The following DHX57 variants were observed in gnomAD, a reference collection of about 807,000 sequenced individuals.
DHX57 encodes putative ATP-dependent RNA helicase DHX57.
DHX57 carries 105 observed loss-of-function variants against 156.2 expected under a neutral mutation model. That is an observed-to-expected ratio of 0.67 (90% CI 0.57 to 0.79). DHX57 has a LOEUF of 0.79. Ranked by LOEUF, DHX57 falls within the 30% of genes least tolerant of loss-of-function variation. The pLI, the probability that DHX57 is intolerant of heterozygous loss-of-function variation, is 0.00. For synonymous variants in DHX57, 704 were observed against 595.6 expected (o/e 1.18, Z -2.65); for missense variants, 1,847 against 1,661.9 (o/e 1.11, Z -1.94).
At position 38,799,622 on chromosome 2, in the gene DHX57, T is replaced by G. The variant is rs1286050666; in HGVS notation, c.4018-1180A>C. On this transcript the variant is annotated intron_variant, in intron 23 of 23. Coordinates refer to ENST00000457308, the MANE Select transcript of DHX57 (RefSeq NM_198963.3). ...AAAATTAGCCAGGCATGGTGGCACA[T>G]GCCTGTAATCCCAGCTACTCGGGAG... 1.9e-4 allele frequency among the ~76,000 whole-genome samples: 28 copies of G among 150,128 alleles called. No homozygotes were observed. The East Asian group carries it at 5.5e-3, about 29-fold the overall frequency.
At position 38,828,377 on chromosome 2, in the gene DHX57, G is replaced by T; in HGVS notation, c.2602C>A (p.Gln868Lys). ...CTGTTGTTGAAAAGAGAATTAGACT[G>T]TAGCTGTTCATAAAGCATTTTGATT... The part of the protein sequence containing the change: ...AEIKMLYEQL[Q>K]SNSLFNNRRS... The change falls in exon 14 of 24, where the codon CAG becomes AAG. Residue 868 changes from glutamine to lysine, a missense_variant. By Grantham distance (53) the Gln-to-Lys change is moderately conservative (BLOSUM62 1). Transcript: ENST00000457308. The T allele has an allele frequency of 6.2e-7, 1 of 1,613,528 alleles. No homozygotes were observed. Among genetic ancestry groups the T allele is most frequent in the Non-Finnish European group, 8.5e-7 (1 of 1,179,764 alleles).
At chr2:38,820,070 G>C (rs1670734689) in intron 17 of DHX57, among the ~76,000 whole-genome samples, 1 of 152,140 alleles carries the variant, frequency 6.6e-6, no homozygotes. Context: ...CAATGCCCTA[G>C]TTGCAACACC....
At chr2:38,835,051 T>G (rs1157724670) in intron 13 of DHX57, among the ~76,000 whole-genome samples, 5 of 152,056 alleles carry the variant, frequency 3.3e-5, no homozygotes, top group Non-Finnish European at 5.9e-5. Context: ...TAGAAAGAGG[T>G]TTGGCTTTTA....
At chr2:38,816,716 G>C (rs1048921631) in intron 19 of DHX57, among the ~76,000 whole-genome samples, 1 of 152,182 alleles carries the variant, frequency 6.6e-6, no homozygotes, top group African/African-American at 2.4e-5. Context: ...TTCTTGGAAT[G>C]TCTCAAGTAT....
chr2:38,863,530 C>G lies in DHX57; in HGVS notation c.225-11G>C, dbSNP rs770902562. 3.1e-6 allele frequency: 5 copies of G among 1,605,024 alleles called. No individual in the cohort carries two copies. The highest frequency in any genetic ancestry group is 4.2e-6 in the Non-Finnish European group (5 of 1,177,512). ...TTACTGTTGCTAGGTCTATAGAGAA[C>G]AAAAGAGCAAAATTACACACATATC... On this transcript the variant is annotated splice_polypyrimidine_tract_variant and intron_variant, in intron 2 of 23. Coordinates refer to ENST00000457308, the MANE Select transcript of DHX57 (RefSeq NM_198963.3).
chr2:38,813,351 C>T (rs1290955161), intron 21 of DHX57, among the ~76,000 whole-genome samples: 1 of 151,464 alleles, frequency 6.6e-6, no homozygotes, highest in Non-Finnish European at 1.5e-5. Flanking sequence ...ATTTTGGGAA[C>T]TGAAGGATTG....
chr2:38,863,278 C>T (rs1279767656), intron 3 of DHX57, 83 bp downstream of exon 3: 3 of 1,410,810 alleles, frequency 2.1e-6, no homozygotes, highest in African/African-American at 1.4e-5. Flanking sequence ...AGTACTGACA[C>T]AGCATTCCAA....
chr2:38,868,096 T>TC (rs1665169861), intron 2 of DHX57, 86 bp downstream of exon 2: 3 of 1,520,850 alleles, frequency 2.0e-6, no homozygotes, highest in Non-Finnish European at 2.7e-6. Flanking sequence ...TTACTCGACT[T>TC]TTTTTCCATT....
rs372022899 is a variant in DHX57 at position 38,856,377 on chromosome 2, G to A, written c.1672C>T (p.Arg558Cys). Residue 558 changes from arginine (R) to cysteine (C), a missense_variant, in exon 7 of 24, where the codon CGT becomes TGT. Physicochemically the swap from Arg to Cys is radical, Grantham distance 180. Coordinates refer to ENST00000457308, the MANE Select transcript of DHX57 (RefSeq NM_198963.3). The stretch of plus-strand genomic sequence containing the variant: ...CTTATGACAACCACCTGGTGCTTAC[G>A]CAATAAGTTAAGAATGGTTTCTCTT... ...EERETILNLL[R>C]KHQVVVISGM... 29 of 1,613,608 alleles carry A rather than the reference G, an allele frequency of 1.8e-5. No homozygotes were observed. Among genetic ancestry groups the A allele is most frequent in the South Asian group, 5.5e-5 (5 of 91,000 alleles).
intron 11 of DHX57, among the ~76,000 whole-genome samples, chr2:38,846,101 G>C (rs1401160909): frequency 6.6e-6 from 1 of 152,052 alleles, no homozygotes; most frequent in Non-Finnish European, 1.5e-5. Flanking sequence ...CCCGCCCTCA[G>C]GTGATCTGCT....
rs888878436 is a variant in DHX57 at position 38,836,568 on chromosome 2, G to C, written c.2542+1263C>G. 3.9e-5 allele frequency among the ~76,000 whole-genome samples: 6 copies of C among 152,238 alleles called. No individual in the cohort carries two copies. In the South Asian group the frequency reaches 1.2e-3, roughly 32 times the overall value. Reference sequence around the variant, plus strand: ...GTGGGTGGATCATGTGAGGTCAGGAGTTCAAGACCAGACTGGCCAACATGG... The same window carrying C: ...GTGGGTGGATCATGTGAGGTCAGGACTTCAAGACCAGACTGGCCAACATGG... On this transcript the variant is annotated intron_variant, in intron 13 of 23. Transcript: ENST00000457308.
intron 1 of DHX57, among the ~76,000 whole-genome samples, chr2:38,875,011 A>T (rs1665540494): frequency 6.6e-6 from 1 of 152,226 alleles, no homozygotes; most frequent in Non-Finnish European, 1.5e-5. Flanking sequence ...GGAAAAAGCA[A>T]GAGGATACTT....
chr2:38,862,192 A>G lies in DHX57; in HGVS notation c.525T>C (p.Tyr175=). The G allele has an allele frequency of 1.2e-6, 2 of 1,613,168 alleles. No homozygotes were observed. Among genetic ancestry groups the G allele is most frequent in the Non-Finnish European group, 1.7e-6 (2 of 1,179,544 alleles). The change falls in exon 4 of 24, where the codon TAT becomes TAC. Residue 175 remains tyrosine, a synonymous_variant. Coordinates refer to ENST00000457308, the MANE Select transcript of DHX57 (RefSeq NM_198963.3). The part of the protein sequence containing the change: ...EYAGLASVEP[Y]VPEFTVSPFA... ...ATGGGGAGACTGTAAATTCTGGAAC[A>G]TAAGGCTCCACTGAGGCTAAGCCAG...
chr2:38,820,002 T>C (rs1355902140), intron 17 of DHX57, among the ~76,000 whole-genome samples: 1 of 152,224 alleles, frequency 6.6e-6, no homozygotes, highest in East Asian at 1.9e-4. Context: ...TTTCTCTACC[T>C]TCTCAGGCTC....
At chr2:38,839,762 G>C (rs1318364689) in intron 12 of DHX57, among the ~76,000 whole-genome samples, 1 of 151,460 alleles carries the variant, frequency 6.6e-6, no homozygotes, top group African/African-American at 2.4e-5. Context: ...TGTTCTGGTA[G>C]AATGAATACC....
At chr2:38,853,741 C>T (rs1270315590) in intron 9 of DHX57, 1 of 165,618 alleles carries the variant, frequency 6.0e-6, no homozygotes, top group Non-Finnish European at 1.3e-5. Flanking sequence ...TACATTCAGC[C>T]ACAGCATGCA....
intron 12 of DHX57, among the ~76,000 whole-genome samples, chr2:38,841,013 A>G (rs1398465416): frequency 6.6e-6 from 1 of 152,126 alleles, no homozygotes; most frequent in East Asian, 1.9e-4. Context: ...AGTAGAGACA[A>G]GGTCTCAATG....
intron 11 of DHX57, among the ~76,000 whole-genome samples, chr2:38,843,817 A>G (rs1672133530): frequency 6.6e-6 from 1 of 152,226 alleles, no homozygotes; most frequent in Non-Finnish European, 1.5e-5. Context: ...AGTCAATTTC[A>G]AAAGGCTTTA....
Position 38,847,035 on chromosome 2 carries a change from C to T in DHX57, c.2203G>A (p.Ala735Thr). Residue 735 changes from alanine (A) to threonine (T), a missense_variant, in exon 11 of 24, where the codon GCA (alanine) becomes ACA (threonine). Physicochemically the swap from Ala to Thr is moderately conservative, Grantham distance 58 (BLOSUM62 0). Coordinates refer to ENST00000457308, the MANE Select transcript of DHX57 (RefSeq NM_198963.3). ...FPVDQFFLED[A>T]IAVTRYVLQD... ...CTTCCTTACCTTGTCACAGCAATTG[C>T]ATCTTCCAAAAAAAATTGATCAACA... 6.2e-7 allele frequency: 1 copy of T among 1,613,248 alleles called. No homozygotes were observed. Among genetic ancestry groups the T allele is most frequent in the Non-Finnish European group, 8.5e-7 (1 of 1,179,524 alleles).
Sources: gnomAD v4.1 joint callset for allele counts (sites outside exome capture counted in the v4.1 genomes callset) on GRCh38, gnomAD v4.1.1 for gene constraint, MANE v1.5 for transcripts, NCBI Gene and HGNC (gene_info 2026-07-23, HGNC 2026-07-21) for gene names.